Variants in CMTM7 observed in about 807,000 individuals in gnomAD.
CMTM7 encodes CKLF like MARVEL transmembrane domain containing 7.
CMTM7 carries 7 observed loss-of-function variants against 19.3 expected under a neutral mutation model. The observed-to-expected ratio is 0.36, with a 90% confidence interval of 0.21 to 0.68. CMTM7 has a LOEUF of 0.68. Among genes scored for constraint, CMTM7 ranks in the 30% least tolerant of loss-of-function variants. CMTM7 has a pLI of 0.60. For missense variants in CMTM7, 193 were observed against 232.6 expected (o/e 0.83, Z 1.11); for synonymous variants, 87 against 99.3 (o/e 0.88, Z 0.74).
intron 1 of CMTM7, among the ~76,000 whole-genome samples, chr3:32,416,841 C>A (rs1437580650): frequency 4.0e-5 from 6 of 151,758 alleles, no homozygotes; most frequent in African/African-American, 9.7e-5. Flanking sequence ...CAGAGAAAGT[C>A]ATTTCTATGG....
At chr3:32,420,223 C>T (rs1354136149) in intron 1 of CMTM7, among the ~76,000 whole-genome samples, 1 of 152,174 alleles carries the variant, frequency 6.6e-6, no homozygotes, top group Non-Finnish European at 1.5e-5. Context: ...TCTTTGTGGC[C>T]TCCCTGTTTC....
At chr3:32,392,117 G>C (rs1394360170) in intron 1 of CMTM7, 52 bp downstream of exon 1, 1 of 1,210,094 alleles carries the variant, frequency 8.3e-7, no homozygotes, top group Non-Finnish European at 1.0e-6. Context: ...TCCCGGGAAA[G>C]CAGGGGTCCG....
chr3:32,441,623 G>A (rs77585158), intron 1 of CMTM7, among the ~76,000 whole-genome samples: 1,863 of 152,322 alleles, frequency 0.012, 41 homozygotes, highest in African/African-American at 0.042. Context: ...AGTCTCTGCT[G>A]TCATCAGTGT....
intron 1 of CMTM7, among the ~76,000 whole-genome samples, chr3:32,435,795 G>A (rs1229920727): frequency 6.6e-6 from 1 of 152,006 alleles, no homozygotes; most frequent in East Asian, 1.9e-4. Flanking sequence ...AAAAGAAAAA[G>A]GTAAAATTAT....
chr3:32,421,770 A>G (rs1376481032), intron 1 of CMTM7, among the ~76,000 whole-genome samples: 2 of 152,156 alleles, frequency 1.3e-5, no homozygotes, highest in Admixed American at 1.3e-4. Flanking sequence ...GACCTCAAAC[A>G]TTATCCTATT....
chr3:32,451,735 G>C (rs778037582), intron 3 of CMTM7: 1 of 221,572 alleles, frequency 4.5e-6, no homozygotes, highest in African/African-American at 2.4e-5. Flanking sequence ...CCTCCCACAG[G>C]CACTCTTCGT....
chr3:32,437,722 C>G (rs1257480085), intron 1 of CMTM7, among the ~76,000 whole-genome samples: 1 of 152,052 alleles, frequency 6.6e-6, no homozygotes, highest in Non-Finnish European at 1.5e-5. Flanking sequence ...GAAACCCTGT[C>G]TCTACTAAAA....
chr3:32,439,751 G>C (rs1186886414), intron 1 of CMTM7, among the ~76,000 whole-genome samples: 1 of 152,192 alleles, frequency 6.6e-6, no homozygotes, highest in Non-Finnish European at 1.5e-5. Context: ...GGGATGCCAG[G>C]CATGCACCAG....
At chr3:32,400,460 C>T (rs1368676305) in intron 1 of CMTM7, among the ~76,000 whole-genome samples, 8 of 132,472 alleles carry the variant, frequency 6.0e-5, no homozygotes, top group African/African-American at 1.4e-4. Flanking sequence ...TGCAGTGGCG[C>T]GGGCTCACTG....
At chr3:32,445,652 ACAAGTGTG>A (rs1052834806) in intron 2 of CMTM7, among the ~76,000 whole-genome samples, 1 of 151,912 alleles carries the variant, frequency 6.6e-6, no homozygotes, top group Non-Finnish European at 1.5e-5. Context: ...AGCTGGGACC[ACAAGTGTG>A]CACCACCATG....
rs58085712 is a variant in CMTM7 at position 32,416,361 on chromosome 3, A to ATTT, written c.159+24330_159+24332dup. ...CAGACGTGCGCCACCATCCGGGCTA[A>ATTT]TTTTTTTTTTTTTTTTTTTTTTTTT... On this transcript the variant is annotated intron_variant, in intron 1 of 4. Coordinates refer to ENST00000334983, the MANE Select transcript of CMTM7 (RefSeq NM_138410.4). Among the ~76,000 whole-genome samples the ATTT allele has an allele frequency of 8.3e-4, 60 of 72,416 alleles. 3 individuals carry two copies. The highest frequency in any genetic ancestry group is 2.9e-3 in the African/African-American group (50 of 17,004). 47.5% of individuals were successfully genotyped at this position (72,416 alleles called of 152,430 possible). A position where few individuals can be genotyped will look rare whatever the true frequency, so the allele number is the denominator to read the frequency against.
chr3:32,396,253 C>A (rs1279996358), intron 1 of CMTM7, among the ~76,000 whole-genome samples: 3 of 151,906 alleles, frequency 2.0e-5, no homozygotes, highest in Non-Finnish European at 4.4e-5. Context: ...TGCCTGTAAT[C>A]CCAGCACTTT....
intron 3 of CMTM7, chr3:32,451,757 C>T (rs1442826040): frequency 2.1e-5 from 5 of 238,276 alleles, no homozygotes; most frequent in African/African-American, 4.7e-5. Flanking sequence ...TCCCAGCACC[C>T]GAATCTCATC....
intron 1 of CMTM7, among the ~76,000 whole-genome samples, chr3:32,407,679 A>C (rs943009951): frequency 1.3e-5 from 2 of 152,180 alleles, no homozygotes; most frequent in African/African-American, 2.4e-5. Flanking sequence ...TGTCCCCATT[A>C]TCAAGCAGTG....
chr3:32,397,748 T>G (rs940052397), intron 1 of CMTM7, among the ~76,000 whole-genome samples: 2 of 150,198 alleles, frequency 1.3e-5, no homozygotes, highest in Admixed American at 6.7e-5. Flanking sequence ...AAAAAAAAAA[T>G]TATTAACTCA....
intron 1 of CMTM7, among the ~76,000 whole-genome samples, chr3:32,412,250 C>T (rs1367677511): frequency 6.6e-5 from 10 of 151,940 alleles, no homozygotes; most frequent in South Asian, 4.2e-4. Flanking sequence ...TTTGGGAGGC[C>T]GAGGCAGACA....
At chr3:32,451,296 A>T (rs1315929728) in intron 3 of CMTM7, 1 of 152,304 alleles carries the variant, frequency 6.6e-6, no homozygotes, top group African/African-American at 2.4e-5. Context: ...CCCCTGCGCC[A>T]TTCTCACTGG....
chr3:32,445,510 GT>G (rs368787368), intron 2 of CMTM7, among the ~76,000 whole-genome samples: 1 of 151,256 alleles, frequency 6.6e-6, no homozygotes, highest in Non-Finnish European at 1.5e-5. Context: ...ATTGTTTTTT[GT>G]TTTTTTTGTT....
At chr3:32,411,910 G>C (rs1696182141) in intron 1 of CMTM7, among the ~76,000 whole-genome samples, 1 of 152,116 alleles carries the variant, frequency 6.6e-6, no homozygotes, top group South Asian at 2.1e-4. Flanking sequence ...TAATGCACGG[G>C]AAGGGGCAAG....
Sources: gnomAD v4.1 joint callset for allele counts (sites outside exome capture counted in the v4.1 genomes callset) on GRCh38, gnomAD v4.1.1 for gene constraint, MANE v1.5 for transcripts, NCBI Gene and HGNC (gene_info 2026-07-23, HGNC 2026-07-21) for gene names.